Variants in RABEPK observed in about 807,000 individuals in gnomAD.
RABEPK encodes the protein Rab9 effector protein with kelch motifs.
Under a neutral mutation model 34.1 loss-of-function variants are expected in RABEPK, and 27 were observed. The observed-to-expected ratio is 0.79, with a 90% CI of 0.58 to 1.09. The LOEUF (loss-of-function observed/expected upper bound fraction) is 1.09, where lower values mean the gene tolerates loss of function less well. Ranked by LOEUF, RABEPK falls within the 50% of genes least tolerant of loss-of-function variation. RABEPK has a pLI of 0.00. For missense variants in RABEPK, 449 were observed against 462.6 expected (o/e 0.97, Z 0.27); for synonymous variants, 172 against 169.2 (o/e 1.02, Z -0.13).
intron 5 of RABEPK, among the ~76,000 whole-genome samples, chr9:125,222,775 T>C (rs182341026): frequency 1.3e-5 from 2 of 150,656 alleles, no homozygotes; most frequent in East Asian, 3.9e-4. Flanking sequence ...TTGCATCCTA[T>C]ATTTTTCACT....
At chr9:125,225,711 A>C (rs1831683249) in intron 5 of RABEPK, among the ~76,000 whole-genome samples, 2 of 152,062 alleles carry the variant, frequency 1.3e-5, no homozygotes, top group Non-Finnish European at 2.9e-5. Flanking sequence ...CTGTAATCCC[A>C]GCACTTTGGG....
At chr9:125,213,638 C>T (rs1830730827) in intron 4 of RABEPK, 116 bp downstream of exon 4, 2 of 890,294 alleles carry the variant, frequency 2.2e-6, no homozygotes, top group African/African-American at 1.7e-5. Context: ...TACTAATTAC[C>T]ATTTAACTTT....
intron 4 of RABEPK, among the ~76,000 whole-genome samples, chr9:125,219,879 C>T (rs528711274): frequency 1.6e-4 from 24 of 152,258 alleles, no homozygotes; most frequent in African/African-American, 5.3e-4. Context: ...TCTGGCACAC[C>T]TGGACTCTGG....
At chr9:125,222,058 C>G (rs573398128) in intron 5 of RABEPK, 1 of 151,768 alleles carries the variant, frequency 6.6e-6, no homozygotes, top group African/African-American at 2.4e-5. Context: ...AAGCAATCTG[C>G]CTGCCTCTGC....
At chr9:125,210,373 C>T (rs373396777) in intron 3 of RABEPK, among the ~76,000 whole-genome samples, 6 of 137,276 alleles carry the variant, frequency 4.4e-5, no homozygotes, top group East Asian at 4.3e-4. Context: ...CACTGCACTC[C>T]AGCCTGGGTG....
At chr9:125,228,134 T>C (rs1413263221) in intron 6 of RABEPK, 75 bp downstream of exon 6, 2 of 1,233,422 alleles carry the variant, frequency 1.6e-6, no homozygotes, top group African/African-American at 1.6e-5. Flanking sequence ...ACAGGATCTC[T>C]GTCTGTCACT....
intron 2 of RABEPK, among the ~76,000 whole-genome samples, chr9:125,205,267 A>G (rs917421206): frequency 6.6e-6 from 1 of 151,784 alleles, no homozygotes; most frequent in African/African-American, 2.4e-5. Flanking sequence ...TATATTCTGT[A>G]CTCCTTTCTA....
intron 3 of RABEPK, among the ~76,000 whole-genome samples, chr9:125,210,129 C>T (rs113658620): frequency 0.11 from 16,210 of 152,226 alleles, 1,088 homozygotes; most frequent in Non-Finnish European, 0.14. Context: ...TGGATCTGGG[C>T]GCAGTGGCTC....
intron 5 of RABEPK, among the ~76,000 whole-genome samples, chr9:125,223,725 TA>T (rs35661565): frequency 0.022 from 2,578 of 119,666 alleles, 85 homozygotes; most frequent in African/African-American, 0.078. Flanking sequence ...ACCCTGACTC[TA>T]AAAAAAAAAA....
chr9:125,202,420 G>T (rs1829969728), intron 1 of RABEPK, among the ~76,000 whole-genome samples: 1 of 152,000 alleles, frequency 6.6e-6, no homozygotes, highest in African/African-American at 2.4e-5. Flanking sequence ...TACTCAGGAG[G>T]CTGAGAAAGG....
intron 4 of RABEPK, chr9:125,220,244 C>A: frequency 8.0e-7 from 1 of 1,247,970 alleles, no homozygotes; most frequent in East Asian, 3.0e-5. Context: ...TCAAGTGATC[C>A]GCCCGCCTTG....
chr9:125,218,008 G>GACTCTGATAGA (rs1831042820), intron 4 of RABEPK, among the ~76,000 whole-genome samples: 1 of 151,744 alleles, frequency 6.6e-6, no homozygotes, highest in Non-Finnish European at 1.5e-5. Flanking sequence ...GCAAGTGTGG[G>GACTCTGATAGA]ACTCTGATAG....
intron 3 of RABEPK, among the ~76,000 whole-genome samples, chr9:125,212,047 A>AG (rs1830622750): frequency 6.6e-6 from 1 of 152,128 alleles, no homozygotes; most frequent in African/African-American, 2.4e-5. Flanking sequence ...TTACATCTTT[A>AG]TTGCAACCTA....
chr9:125,228,149 C>A, intron 6 of RABEPK, 90 bp downstream of exon 6: 1 of 1,176,198 alleles, frequency 8.5e-7, no homozygotes, highest in Non-Finnish European at 1.1e-6. Flanking sequence ...GTCACTCAGG[C>A]TGGAGTGCGG....
chr9:125,218,127 C>A (rs1349689401), intron 4 of RABEPK, among the ~76,000 whole-genome samples: 1 of 144,656 alleles, frequency 6.9e-6, no homozygotes, highest in African/African-American at 2.6e-5. Flanking sequence ...CTGGCTAACA[C>A]GGTGAAACTC....
intron 4 of RABEPK, among the ~76,000 whole-genome samples, chr9:125,218,148 A>G (rs1350749961): frequency 3.1e-4 from 4 of 12,956 alleles, no homozygotes; most frequent in African/African-American, 1.2e-3. Context: ...CGTCTCTACT[A>G]AAAAAAAAAA....
intron 5 of RABEPK, among the ~76,000 whole-genome samples, chr9:125,226,322 C>A (rs1232048209): frequency 6.6e-6 from 1 of 150,796 alleles, no homozygotes; most frequent in Non-Finnish European, 1.5e-5. Flanking sequence ...GTCCCCCGAC[C>A]CCCTGCAAAA....
intron 3 of RABEPK, among the ~76,000 whole-genome samples, chr9:125,211,882 T>G (rs1048409093): frequency 5.9e-5 from 9 of 152,112 alleles, no homozygotes; most frequent in Admixed American, 5.9e-4. Flanking sequence ...GGCAGGAGAA[T>G]TGCTTGAACC....
chr9:125,202,385 G>T (rs1052319446), intron 1 of RABEPK, among the ~76,000 whole-genome samples: 4 of 151,850 alleles, frequency 2.6e-5, no homozygotes, highest in African/African-American at 9.7e-5. Flanking sequence ...TGAGCTGGGC[G>T]TGGGTGGGCA....
Sources: gnomAD v4.1 joint callset for allele counts (sites outside exome capture counted in the v4.1 genomes callset) on GRCh38, gnomAD v4.1.1 for gene constraint, MANE v1.5 for transcripts, NCBI Gene and HGNC (gene_info 2026-07-23, HGNC 2026-07-21) for gene names.